The following PCF11 variants were observed in gnomAD, a reference collection of about 807,000 sequenced individuals.
The protein encoded by PCF11 is PCF11 cleavage and polyadenylation factor subunit.
PCF11 carries 19 observed loss-of-function variants against 166.1 expected under a neutral mutation model. That is an observed-to-expected ratio of 0.11 (90% CI 0.08 to 0.17). The LOEUF (loss-of-function observed/expected upper bound fraction) is 0.17, where lower values mean the gene tolerates loss of function less well. Ranked by LOEUF, PCF11 falls within the 10% of genes least tolerant of loss-of-function variation. The probability of loss-of-function intolerance (pLI) is 1.00; values close to 1 mark genes in which losing one functional copy is unlikely to be tolerated. For synonymous variants in PCF11, 663 were observed against 644.1 expected (o/e 1.03, Z -0.44); for missense variants, 1,565 against 1,855.5 (o/e 0.84, Z 2.88).
chr11:83,164,299 A>C lies in PCF11; in HGVS notation c.600A>C (p.Gln200His). 2.5e-6 allele frequency: 4 copies of C among 1,613,560 alleles called. 1 individual carries two copies. The South Asian group carries it at 4.4e-5, about 18-fold the overall frequency. ...CTGATATACAAAAGAATCTTACACA[A>C]GAACAACTAATAAGGCAGCAGTTAC... Residue 200 changes from glutamine (Q) to histidine (H), a missense_variant, in exon 4 of 16, where the codon CAA becomes CAC. This residue lies in a region of PCF11 where 71 missense variants were observed against 62.9 expected (regional missense o/e 1.13). Coordinates refer to ENST00000298281, the Ensembl canonical transcript of PCF11.
chr11:83,173,763 C>T (rs1169574997), intron 9 of PCF11, among the ~76,000 whole-genome samples: 3 of 97,994 alleles, frequency 3.1e-5, no homozygotes, highest in Non-Finnish European at 5.5e-5. Context: ...GAGTCTTGCT[C>T]TTGTCACCCA....
chr11:83,165,545 C>G (rs1860417151), intron 4 of PCF11, 55 bp from the exon 5 acceptor site: 1 of 1,404,558 alleles, frequency 7.1e-7, no homozygotes, highest in African/African-American at 1.4e-5. Context: ...TTTGCAATTT[C>G]TTGACAATCT....
chr11:83,165,782 G>C, exon 5 of PCF11: 1 of 1,612,750 alleles, frequency 6.2e-7, no homozygotes, highest in Non-Finnish European at 8.5e-7. Flanking sequence ...GAACTAACCG[G>C]GATCCTCGTC....
At chr11:83,166,562 A>C (rs773530551) in exon 5 of PCF11, 1 of 1,614,016 alleles carries the variant, frequency 6.2e-7, no homozygotes, top group East Asian at 2.2e-5. Context: ...TTCGGGATCC[A>C]AGGCGAATGA....
chr11:83,186,651 CTTTT>C (rs965721526), exon 16 of PCF11: 1 of 149,910 alleles, frequency 6.7e-6, no homozygotes, highest in African/African-American at 2.5e-5. Flanking sequence ...TGCATTTAAG[CTTTT>C]TTATTTTTTT....
chr11:83,182,262 C>G, intron 13 of PCF11, 137 bp from the exon 14 acceptor site: 1 of 599,058 alleles, frequency 1.7e-6, no homozygotes, highest in Non-Finnish European at 2.9e-6. Flanking sequence ...TTGAATCATA[C>G]TGTATATTGG....
intron 1 of PCF11, among the ~76,000 whole-genome samples, chr11:83,159,481 G>A (rs1032032541): frequency 6.6e-6 from 1 of 152,156 alleles, no homozygotes. Context: ...GGATCCGGAA[G>A]ACCTTCGAGA....
intron 15 of PCF11, among the ~76,000 whole-genome samples, chr11:83,183,504 T>C (rs1158488822): frequency 6.6e-6 from 1 of 152,156 alleles, no homozygotes; most frequent in Admixed American, 6.5e-5. Flanking sequence ...TGTTGTTTTG[T>C]TCTGAGACAA....
intron 12 of PCF11, 89 bp from the exon 13 acceptor site, chr11:83,181,765 C>G (rs1010693358): frequency 5.0e-6 from 4 of 800,948 alleles, no homozygotes; most frequent in Non-Finnish European, 5.6e-6. Flanking sequence ...AATAGTATAC[C>G]CCTACCTTTA....
intron 11 of PCF11, 116 bp from the exon 12 acceptor site, chr11:83,180,892 G>A: frequency 1.8e-6 from 1 of 563,046 alleles, no homozygotes; most frequent in Non-Finnish European, 3.1e-6. Flanking sequence ...AACTGTTTCA[G>A]CCAGCTCTTG....
chr11:83,161,689 T>C (rs1860260281), intron 2 of PCF11, among the ~76,000 whole-genome samples: 1 of 152,216 alleles, frequency 6.6e-6, no homozygotes, highest in Non-Finnish European at 1.5e-5. Flanking sequence ...GCTTTTAGAA[T>C]TGTGCTTTTT....
At chr11:83,181,279 TAATTTTAATTAAGTAATTTA>T in intron 12 of PCF11, 88 bp downstream of exon 12, 1 of 405,608 alleles carries the variant, frequency 2.5e-6, no homozygotes, top group Non-Finnish European at 3.9e-6. Flanking sequence ...TATTAAAATT[TAATTTTAATTAAGTAATTTA>T]ATAATTTTAA....
At chr11:83,157,804 T>G (rs930132797) in intron 1 of PCF11, 173 bp downstream of exon 1, 80 of 623,834 alleles carry the variant, frequency 1.3e-4, no homozygotes, top group African/African-American at 7.9e-4. Flanking sequence ...CATGGGCCTC[T>G]GGGGGGGAGG....
intron 8 of PCF11, among the ~76,000 whole-genome samples, chr11:83,170,431 C>T (rs1016271542): frequency 1.3e-5 from 2 of 152,158 alleles, no homozygotes; most frequent in Non-Finnish European, 2.9e-5. Context: ...CAAATTGTGT[C>T]CCTGCTTTCA....
At chr11:83,164,443 C>CT in intron 4 of PCF11, 42 bp downstream of exon 4, 5 of 1,402,218 alleles carry the variant, frequency 3.6e-6, no homozygotes, top group Non-Finnish European at 4.9e-6. Flanking sequence ...TTAAACCTGT[C>CT]TAACAATAGG....
At chr11:83,169,606 C>A in exon 8 of PCF11, 1 of 1,613,892 alleles carries the variant, frequency 6.2e-7, no homozygotes, top group Non-Finnish European at 8.5e-7. Flanking sequence ...TGACGGTGTA[C>A]CTCAAAGATT....
At chr11:83,184,981 A>C in exon 16 of PCF11, 2 of 799,742 alleles carry the variant, frequency 2.5e-6, no homozygotes, top group Non-Finnish European at 3.9e-6. Flanking sequence ...ATATATAGAC[A>C]TATCTATATA....
intron 11 of PCF11, among the ~76,000 whole-genome samples, chr11:83,179,727 C>T (rs1001094971): frequency 1.4e-4 from 21 of 151,866 alleles, no homozygotes; most frequent in Admixed American, 1.1e-3. Context: ...AACATGGTAA[C>T]ATGTCTCTAC....
intron 1 of PCF11, among the ~76,000 whole-genome samples, chr11:83,159,203 T>G (rs1356966207): frequency 6.6e-6 from 1 of 152,232 alleles, no homozygotes; most frequent in Non-Finnish European, 1.5e-5. Context: ...AAACAGCTTT[T>G]TTTTTTAAGT....
Sources: allele counts gnomAD v4.1 joint callset (sites outside exome capture counted in the v4.1 genomes callset), GRCh38; gene constraint gnomAD v4.1.1; regional missense constraint gnomAD v4.1.1; transcripts MANE v1.5; gene names NCBI Gene and HGNC (gene_info 2026-07-23, HGNC 2026-07-21).